Variants in RARS1 observed in about 807,000 individuals in gnomAD.
RARS1 encodes arginyl-tRNA synthetase 1.
RARS1 carries 75 observed loss-of-function variants against 78.7 expected under a neutral mutation model. The ratio of observed to expected loss-of-function variants is 0.95; its 90% CI spans 0.79 to 1.15. The LOEUF (loss-of-function observed/expected upper bound fraction) is 1.15, where lower values mean the gene tolerates loss of function less well. Among genes scored for constraint, RARS1 ranks in the 50% most tolerant of loss-of-function variants. RARS1 has a pLI of 0.00. For missense variants in RARS1, 787 were observed against 787.5 expected (o/e 1.00, Z 0.01); for synonymous variants, 273 against 268.2 (o/e 1.02, Z -0.18).
intron 12 of RARS1, among the ~76,000 whole-genome samples, chr5:168,513,311 C>T (rs980268828): frequency 3.3e-5 from 5 of 150,456 alleles, no homozygotes; most frequent in African/African-American, 9.8e-5. Context: ...GCCCTGCCAC[C>T]GTGCCCGGCC....
At chr5:168,498,908 G>A (rs1758257247) in intron 7 of RARS1, among the ~76,000 whole-genome samples, 1 of 152,106 alleles carries the variant, frequency 6.6e-6, no homozygotes, top group Admixed American at 6.5e-5. Flanking sequence ...GGAGACCAAG[G>A]CTGCAGTGAG....
intron 1 of RARS1, chr5:168,488,093 C>A: frequency 3.3e-6 from 1 of 298,882 alleles, no homozygotes; most frequent in South Asian, 2.7e-5. Flanking sequence ...TTCCTGTCTC[C>A]CAAAACACAT....
chr5:168,518,163 A>G, intron 14 of RARS1, 101 bp downstream of exon 14: 2 of 1,303,798 alleles, frequency 1.5e-6, no homozygotes, highest in South Asian at 1.8e-5. Context: ...AGGTCACTGA[A>G]GCCTCAAACT....
chr5:168,494,994 GT>G (rs1384575608), intron 5 of RARS1: 1 of 332,506 alleles, frequency 3.0e-6, no homozygotes, highest in Non-Finnish European at 5.4e-6. Context: ...GGTCTAGCAT[GT>G]TGTGTGATTT....
At position 168,519,276 on chromosome 5, in the gene RARS1, T is replaced by C. The variant is rs913974710; in HGVS notation, c.*86T>C. The C allele has an allele frequency of 3.0e-6, 3 of 1,004,108 alleles. No individual in the cohort carries two copies. Among genetic ancestry groups the C allele is most frequent in the African/African-American group, 3.3e-5 (2 of 59,804 alleles). 62.2% of individuals were successfully genotyped at this position (1,004,108 alleles called of 1,614,324 possible). On this transcript the variant is annotated 3_prime_UTR_variant, in exon 15 of 15. Transcript: ENST00000231572. ...TTTTACAATCATGTGGACACAAGCA[T>C]AAGTAAAGAAAATTTGTCAACCAGG...
rs375418989 is a variant in RARS1, at chr5:168,491,892, A to G, written c.181-767A>G. 3.9e-5 allele frequency among the ~76,000 whole-genome samples: 6 copies of G among 151,994 alleles called. No individual in the cohort carries two copies. In the South Asian group the frequency reaches 1.2e-3, roughly 32 times the overall value. On this transcript the variant is annotated intron_variant, in intron 2 of 14. Transcript: ENST00000231572. ...TGATGAACATAAAATTGACAAACAT[A>G]AAGGTGTATAGGCAGCATGTTTATC...
intron 1 of RARS1, 129 bp downstream of exon 1, chr5:168,486,672 G>T: frequency 2.1e-6 from 2 of 935,946 alleles, no homozygotes; most frequent in Admixed American, 4.2e-5. Context: ...GGAGCGGCAC[G>T]GTCCCTGTGG....
At chr5:168,494,168 C>G (rs1188809581) in intron 4 of RARS1, 166 bp downstream of exon 4, 1 of 891,206 alleles carries the variant, frequency 1.1e-6, no homozygotes, top group Non-Finnish European at 1.3e-6. Flanking sequence ...AATCTAGACT[C>G]AGCTACCACT....
chr5:168,495,538 A>T lies in RARS1; in HGVS notation c.701+102A>T. 3 of 1,466,134 alleles carry T rather than the reference A, an allele frequency of 2.0e-6. No homozygotes were observed. The South Asian group carries it at 4.4e-5, about 22-fold the overall frequency. The allele number at this position is 1,466,134 out of a possible 1,614,324, so 90.8% of individuals were successfully genotyped here. A position where few individuals can be genotyped will look rare whatever the true frequency, so the allele number is the denominator to read the frequency against. On this transcript the variant is annotated intron_variant, in intron 6 of 14. Transcript: ENST00000231572. ...TCACTCAAGAAAGAACATTCGACTA[A>T]ATCAGTGGTTCATCAGCTTAGTTCT...
rs1280220276 is a variant in RARS1 at position 168,502,384 on chromosome 5, A to ATATAT, written c.1057+280_1057+281insATATT. ...CAAATATATATATATATATATATAT[A>ATATAT]TTTTTTTTTTTTAAAACAATCTTGC... is the stretch of plus-strand genomic sequence containing the variant. On this transcript the variant is annotated intron_variant, in intron 9 of 14. Transcript: ENST00000231572. Among the ~76,000 whole-genome samples the ATATAT allele has an allele frequency of 2.0e-3, 257 of 127,216 alleles. 2 individuals are homozygous for ATATAT. The highest frequency in any genetic ancestry group is 8.1e-3 in the Middle Eastern group (2 of 246). 83.5% of individuals were successfully genotyped at this position (127,216 alleles called of 152,430 possible). A position where few individuals can be genotyped will look rare whatever the true frequency, so the allele number is the denominator to read the frequency against.
intron 9 of RARS1, 72 bp from the exon 10 acceptor site, chr5:168,505,949 T>C: frequency 1.7e-6 from 2 of 1,144,882 alleles, no homozygotes; most frequent in South Asian, 2.8e-5. Context: ...ATTTACATAG[T>C]AGAATGAGTA....
At chr5:168,509,511 C>T (rs954086420) in intron 11 of RARS1, among the ~76,000 whole-genome samples, 2 of 144,742 alleles carry the variant, frequency 1.4e-5, no homozygotes, top group Non-Finnish European at 1.5e-5. Context: ...TTGTTTAATA[C>T]ATAAAATTCA....
At position 168,506,119 on chromosome 5, in the gene RARS1, A is replaced by G; in HGVS notation, c.1156A>G (p.Thr386Ala). 2.5e-6 allele frequency: 4 copies of G among 1,602,054 alleles called. No individual in the cohort carries two copies. Among genetic ancestry groups the G allele is most frequent in the Non-Finnish European group, 3.4e-6 (4 of 1,172,920 alleles). ...VKSDGGYTYD[T>A]SDLAAIKQRL... ...ATCAGATGGAGGTTATACCTATGATACATCTGACCTGGCTGCTATTAAACA... is the reference window on the plus strand; with the variant it reads ...ATCAGATGGAGGTTATACCTATGATGCATCTGACCTGGCTGCTATTAAACA... The change falls in exon 10 of 15, where the codon ACA becomes GCA. Residue 386 changes from threonine (T) to alanine (A), a missense_variant. Physicochemically the swap from Thr to Ala is moderately conservative, Grantham distance 58. Coordinates refer to ENST00000231572, the MANE Select transcript of RARS1 (RefSeq NM_002887.4).
intron 2 of RARS1, among the ~76,000 whole-genome samples, chr5:168,491,787 T>C (rs244897): frequency 0.14 from 21,698 of 152,254 alleles, 1,807 homozygotes; most frequent in Middle Eastern, 0.22. Flanking sequence ...GTATTAACTT[T>C]TGTTATTGTC....
Position 168,506,789 on chromosome 5 carries a change from G to A in RARS1, c.1304G>A (p.Arg435Gln), listed in dbSNP as rs756878080. The A allele has an allele frequency of 1.2e-5, 20 of 1,613,592 alleles. No individual in the cohort carries two copies. The highest frequency in any genetic ancestry group is 9.9e-5 in the South Asian group (9 of 91,060). ...GGTTGGTATGACCCTAAAGTAACTC[G>A]AGTCTTCCATGCTGGATTTGGTGTG... ...MIGWYDPKVT[R>Q]VFHAGFGVVL... Residue 435 changes from arginine (R) to glutamine (Q), a missense_variant, in exon 11 of 15, where the codon CGA (arginine) becomes CAA (glutamine). Coordinates refer to ENST00000231572, the MANE Select transcript of RARS1 (RefSeq NM_002887.4).
intron 2 of RARS1, among the ~76,000 whole-genome samples, chr5:168,489,023 A>G (rs1235936298): frequency 1.3e-5 from 2 of 152,052 alleles, no homozygotes; most frequent in Non-Finnish European, 2.9e-5. Flanking sequence ...TTCTTTTTAA[A>G]AATTTATTTA....
intron 3 of RARS1, 173 bp downstream of exon 3, chr5:168,493,020 G>T: frequency 5.4e-6 from 3 of 560,134 alleles, no homozygotes; most frequent in South Asian, 3.5e-5. Flanking sequence ...ACTTTTTTAG[G>T]CACAATTTTT....
Position 168,502,021 on chromosome 5 carries a change from G to A in RARS1, c.973G>A (p.Ala325Thr). 1 of 1,593,650 alleles carries A rather than the reference G, an allele frequency of 6.3e-7. No individual in the cohort carries two copies. Among genetic ancestry groups the A allele is most frequent in the Non-Finnish European group, 8.5e-7 (1 of 1,171,758 alleles). The change falls in exon 9 of 15, where the codon GCA (alanine) becomes ACA (threonine). Residue 325 changes from alanine (A) to threonine (T), a missense_variant. Ala to Thr is a moderately conservative substitution (Grantham distance 58). Transcript: ENST00000231572. ...CCTAGAGTTAAATAAAATCTATGATGCATTGGACGTCTCTTTAATAGAGAG... is the reference window on the plus strand; with the variant it reads ...CCTAGAGTTAAATAAAATCTATGATACATTGGACGTCTCTTTAATAGAGAG... ...SRQELNKIYDALDVSLIERGE... is the reference protein window; with the variant it reads ...SRQELNKIYDTLDVSLIERGE...
At chr5:168,487,144 C>G (rs947157548) in intron 1 of RARS1, among the ~76,000 whole-genome samples, 1 of 152,024 alleles carries the variant, frequency 6.6e-6, no homozygotes, top group African/African-American at 2.4e-5. Context: ...GGGCGGATCA[C>G]GATGTCAGGA....
Sources: gnomAD v4.1 joint callset for allele counts (sites outside exome capture counted in the v4.1 genomes callset) on GRCh38, gnomAD v4.1.1 for gene constraint, MANE v1.5 for transcripts, NCBI Gene and HGNC (gene_info 2026-07-23, HGNC 2026-07-21) for gene names.